Variants in ERI3 observed in about 807,000 individuals in gnomAD.
The protein encoded by ERI3 is ERI1 exoribonuclease family member 3.
Under a neutral mutation model 44.4 loss-of-function variants are expected in ERI3, and 18 were observed. The ratio of observed to expected loss-of-function variants is 0.41; its 90% CI spans 0.28 to 0.60. The LOEUF is 0.60. ERI3 is among the 20% of genes least tolerant of loss of function. The pLI, the probability that ERI3 is intolerant of heterozygous loss-of-function variation, is 0.36. For synonymous variants in ERI3, 183 were observed against 164.8 expected (o/e 1.11, Z -0.84); for missense variants, 294 against 435.5 (o/e 0.68, Z 2.89).
chr1:44,284,089 T>C (rs1049288182), intron 7 of ERI3: 2 of 470,882 alleles, frequency 4.2e-6, no homozygotes, highest in South Asian at 1.5e-5. Flanking sequence ...GAATGATTTA[T>C]GGGGGTGAGT....
At chr1:44,354,626 T>C (rs1361686632) in intron 1 of ERI3, 5 of 985,288 alleles carry the variant, frequency 5.1e-6, no homozygotes, top group Non-Finnish European at 6.0e-6. Context: ...ACAATCTCCA[T>C]GCTCCATTTC....
intron 8 of ERI3, among the ~76,000 whole-genome samples, chr1:44,240,319 G>A (rs1162914291): frequency 2.0e-5 from 3 of 152,208 alleles, no homozygotes; most frequent in South Asian, 2.1e-4. Context: ...GGCTTGGGCT[G>A]GTTTAGCCTA....
intron 7 of ERI3, among the ~76,000 whole-genome samples, chr1:44,274,030 G>C (rs1268090832): frequency 6.6e-6 from 1 of 152,114 alleles, no homozygotes; most frequent in Admixed American, 6.5e-5. Context: ...TGGCTCTGGT[G>C]CTCTTCCTGT....
chr1:44,295,320 T>C (rs1409789902), intron 6 of ERI3, among the ~76,000 whole-genome samples: 1 of 152,220 alleles, frequency 6.6e-6, no homozygotes, highest in Non-Finnish European at 1.5e-5. Flanking sequence ...TACCATTCCA[T>C]CTCTCTACAG....
At chr1:44,306,953 C>T (rs1343506419) in intron 6 of ERI3, among the ~76,000 whole-genome samples, 5 of 152,228 alleles carry the variant, frequency 3.3e-5, no homozygotes, top group Admixed American at 6.5e-5. Context: ...ACTTTAAGGA[C>T]TCAAAGCTGC....
intron 6 of ERI3, among the ~76,000 whole-genome samples, chr1:44,305,116 T>C (rs955194003): frequency 5.3e-5 from 8 of 152,164 alleles, no homozygotes; most frequent in Non-Finnish European, 1.2e-4. Context: ...GCTCTTTCCC[T>C]CCAGTCTTTC....
intron 1 of ERI3, chr1:44,354,647 A>G (rs226067): frequency 0.99 from 970,811 of 985,366 alleles, 478,294 homozygotes; most frequent in East Asian, 1. Context: ...TAGCCTCTCT[A>G]GTCAAACCTT....
At chr1:44,223,524 G>A (rs1313626736) in intron 8 of ERI3, among the ~76,000 whole-genome samples, 2 of 152,122 alleles carry the variant, frequency 1.3e-5, no homozygotes, top group Admixed American at 6.5e-5. Flanking sequence ...CCTAGGGACC[G>A]TGGCCGCTGT....
chr1:44,239,025 GC>G (rs1477433291), intron 8 of ERI3, among the ~76,000 whole-genome samples: 1 of 96,902 alleles, frequency 1.0e-5, no homozygotes, highest in Non-Finnish European at 2.3e-5. Context: ...CCCCACTGCT[GC>G]CCCCTCCCCC....
intron 2 of ERI3, among the ~76,000 whole-genome samples, chr1:44,346,871 G>A (rs548488956): frequency 4.7e-4 from 71 of 152,236 alleles, no homozygotes; most frequent in African/African-American, 1.4e-3. Flanking sequence ...AAAGTGCTTT[G>A]CACAATAGCA....
intron 5 of ERI3, among the ~76,000 whole-genome samples, chr1:44,312,206 T>C (rs556264375): frequency 1.9e-4 from 29 of 152,326 alleles, no homozygotes; most frequent in Admixed American, 7.2e-4. Context: ...CTACTTCCTC[T>C]AGGCTGCACA....
intron 1 of ERI3, chr1:44,353,300 G>A (rs1025629484): frequency 1.6e-5 from 16 of 985,232 alleles, no homozygotes; most frequent in Non-Finnish European, 1.9e-5. Context: ...ACTGGGGTAG[G>A]GGTTGGTTGC....
intron 6 of ERI3, among the ~76,000 whole-genome samples, chr1:44,301,867 G>C (rs773720313): frequency 6.6e-6 from 1 of 152,224 alleles, no homozygotes; most frequent in African/African-American, 2.4e-5. Context: ...GTGGTTGTAG[G>C]CCTAGGAGCT....
At chr1:44,302,489 C>G (rs549979852) in intron 6 of ERI3, among the ~76,000 whole-genome samples, 1 of 152,298 alleles carries the variant, frequency 6.6e-6, no homozygotes, top group African/African-American at 2.4e-5. Context: ...CATGTGCTTC[C>G]AAACATAAAT....
intron 8 of ERI3, among the ~76,000 whole-genome samples, chr1:44,230,963 C>A (rs1572062843): frequency 6.6e-6 from 1 of 152,114 alleles, no homozygotes; most frequent in Non-Finnish European, 1.5e-5. Flanking sequence ...GCTTGGAGAC[C>A]AGGAGTGTTT....
intron 4 of ERI3, among the ~76,000 whole-genome samples, chr1:44,317,457 T>C (rs1646113693): frequency 6.6e-6 from 1 of 152,118 alleles, no homozygotes; most frequent in Non-Finnish European, 1.5e-5. Flanking sequence ...TTTACTTACT[T>C]ACTCAAAATA....
intron 6 of ERI3, among the ~76,000 whole-genome samples, chr1:44,296,075 T>A (rs1051618242): frequency 6.6e-6 from 1 of 152,124 alleles, no homozygotes; most frequent in African/African-American, 2.4e-5. Flanking sequence ...CACTTGTTAA[T>A]AGGCCCTAGA....
At chr1:44,291,814 C>T (rs1334689793) in intron 6 of ERI3, among the ~76,000 whole-genome samples, 1 of 152,218 alleles carries the variant, frequency 6.6e-6, no homozygotes, top group Non-Finnish European at 1.5e-5. Flanking sequence ...CTGGCCTTTT[C>T]CCCAGTGACC....
chr1:44,355,044 G>T lies in ERI3; in HGVS notation c.-18C>A. On this transcript the variant is annotated 5_prime_UTR_variant, in exon 1 of 9. Coordinates refer to ENST00000372257, the MANE Select transcript of ERI3 (RefSeq NM_024066.3). ...GTCGCCATGGCAACGCCCCCTCCTC[G>T]GGGCCAGCGCGGCAGGCTCCCTCCA... 1 of 1,371,108 alleles carries T rather than the reference G, an allele frequency of 7.3e-7. No individual in the cohort carries two copies. The highest frequency in any genetic ancestry group is 2.8e-5 in the East Asian group (1 of 35,100). 84.9% of individuals were successfully genotyped at this position (1,371,108 alleles called of 1,614,324 possible).
Sources: gnomAD v4.1 joint callset for allele counts (sites outside exome capture counted in the v4.1 genomes callset) on GRCh38, gnomAD v4.1.1 for gene constraint, MANE v1.5 for transcripts, NCBI Gene and HGNC (gene_info 2026-07-23, HGNC 2026-07-21) for gene names.